The following ACVR1 variants were observed in gnomAD, a reference collection of about 807,000 sequenced individuals.
ACVR1 encodes the protein activin A receptor type 1.
In ACVR1, 38 loss-of-function variants were observed where a neutral mutation model predicts 57.1. The observed-to-expected ratio is 0.67, with a 90% confidence interval of 0.51 to 0.87. The LOEUF (loss-of-function observed/expected upper bound fraction) is 0.87. Among genes scored for constraint, ACVR1 ranks in the 40% least tolerant of loss-of-function variants. The probability of loss-of-function intolerance (pLI) is 0.00; values close to 1 mark genes in which losing one functional copy is unlikely to be tolerated. For missense variants in ACVR1, 463 were observed against 638.2 expected (o/e 0.73, Z 2.96); for synonymous variants, 212 against 228.1 (o/e 0.93, Z 0.63).
At chr2:157,863,701 A>G (rs559288834) in intron 1 of ACVR1, among the ~76,000 whole-genome samples, 1 of 151,822 alleles carries the variant, frequency 6.6e-6, no homozygotes, top group South Asian at 2.1e-4. Flanking sequence ...CATCTCAAGA[A>G]AAAAAATAAA....
At chr2:157,835,999 T>A (rs1688770647) in intron 1 of ACVR1, among the ~76,000 whole-genome samples, 1 of 152,148 alleles carries the variant, frequency 6.6e-6, no homozygotes, top group South Asian at 2.1e-4. Flanking sequence ...AATGTAAAAA[T>A]GAAAACCAAA....
At chr2:157,764,182 C>CTA (rs995167831) in intron 8 of ACVR1, among the ~76,000 whole-genome samples, 2 of 151,804 alleles carry the variant, frequency 1.3e-5, no homozygotes, top group Non-Finnish European at 2.9e-5. Flanking sequence ...TATGATCACA[C>CTA]TATATATATA....
At chr2:157,763,154 T>C (rs2105255863) in intron 8 of ACVR1, among the ~76,000 whole-genome samples, 1 of 152,328 alleles carries the variant, frequency 6.6e-6, no homozygotes, top group South Asian at 2.1e-4. Context: ...AAAATGAATA[T>C]AAAATGATAC....
In ACVR1 at chr2:157,855,143, C is replaced by T. The variant is rs548562207; in HGVS notation, c.-183+20653G>A. 3.0e-4 allele frequency among the ~76,000 whole-genome samples: 45 copies of T among 151,242 alleles called. 1 individual carries two copies. Among genetic ancestry groups the T allele is most frequent in the African/African-American group, 1.1e-3 (44 of 41,198 alleles). ...AAAATGCCAACGAACTGGCCAGGCA[C>T]AGTGGCTGACGCCTGTAATCTCAGC... On this transcript the variant is annotated intron_variant, in intron 1 of 10. Coordinates refer to ENST00000434821, the MANE Select transcript of ACVR1 (RefSeq NM_001111067.4).
intron 9 of ACVR1, among the ~76,000 whole-genome samples, chr2:157,741,355 C>T (rs982119925): frequency 1.3e-5 from 2 of 152,034 alleles, no homozygotes; most frequent in Non-Finnish European, 2.9e-5. Flanking sequence ...GATGAAAAAA[C>T]GGTGGCTCAC....
chr2:157,811,974 A>G (rs1687767555), intron 2 of ACVR1, among the ~76,000 whole-genome samples: 1 of 152,260 alleles, frequency 6.6e-6, no homozygotes, highest in South Asian at 2.1e-4. Context: ...GTGTTTGAGG[A>G]CTAGAATTTT....
At chr2:157,836,002 A>C (rs973341355) in intron 1 of ACVR1, among the ~76,000 whole-genome samples, 1 of 152,268 alleles carries the variant, frequency 6.6e-6, no homozygotes, top group Non-Finnish European at 1.5e-5. Flanking sequence ...GTAAAAATGA[A>C]AACCAAAGTG....
chr2:157,798,052 C>T (rs1316640947), intron 3 of ACVR1, among the ~76,000 whole-genome samples: 2 of 152,182 alleles, frequency 1.3e-5, no homozygotes, highest in Non-Finnish European at 2.9e-5. Context: ...AGTTTTTGAT[C>T]CACCCAGTTT....
chr2:157,777,799 T>C (rs1375125292), intron 5 of ACVR1, among the ~76,000 whole-genome samples: 2 of 152,188 alleles, frequency 1.3e-5, no homozygotes, highest in Non-Finnish European at 2.9e-5. Context: ...TGGCTAAAAA[T>C]AGAGTAACTG....
intron 9 of ACVR1, among the ~76,000 whole-genome samples, chr2:157,745,865 C>T (rs1411915086): frequency 5.9e-5 from 9 of 152,180 alleles, no homozygotes; most frequent in Non-Finnish European, 8.8e-5. Flanking sequence ...GAAGCACAAG[C>T]AGCTCCCTGG....
intron 9 of ACVR1, among the ~76,000 whole-genome samples, chr2:157,746,632 A>T (rs1684976158): frequency 6.6e-6 from 1 of 152,272 alleles, no homozygotes; most frequent in African/African-American, 2.4e-5. Context: ...CCTCGGCATC[A>T]CATTTTCTTA....
intron 1 of ACVR1, among the ~76,000 whole-genome samples, chr2:157,853,361 A>AAAGAG (rs1481757220): frequency 6.6e-6 from 1 of 152,142 alleles, no homozygotes; most frequent in Non-Finnish European, 1.5e-5. Flanking sequence ...CCTCATGTGG[A>AAAGAG]AAGAGATAGC....
At chr2:157,828,766 G>T (rs1574119963) in intron 1 of ACVR1, among the ~76,000 whole-genome samples, 1 of 125,028 alleles carries the variant, frequency 8.0e-6, no homozygotes, top group Non-Finnish European at 1.5e-5. Flanking sequence ...TTGTTTTTTT[G>T]TTTGTTTGTT....
At chr2:157,749,271 T>G (rs1685088452) in intron 9 of ACVR1, among the ~76,000 whole-genome samples, 1 of 152,212 alleles carries the variant, frequency 6.6e-6, no homozygotes, top group Non-Finnish European at 1.5e-5. Flanking sequence ...TTTGGGTACA[T>G]GAAAGGCAAG....
intron 3 of ACVR1, among the ~76,000 whole-genome samples, chr2:157,799,148 G>A (rs562651199): frequency 6.9e-4 from 105 of 151,914 alleles, no homozygotes; most frequent in African/African-American, 2.4e-3. Context: ...CACCTGCCTC[G>A]ACCTCCCAAA....
chr2:157,786,702 C>G (rs530740347), intron 3 of ACVR1, among the ~76,000 whole-genome samples: 27 of 152,158 alleles, frequency 1.8e-4, no homozygotes, highest in Non-Finnish European at 3.1e-4. Flanking sequence ...AATAGAACAG[C>G]TGGGCTCTGT....
At chr2:157,779,583 TTC>T (rs1686424851) in intron 4 of ACVR1, among the ~76,000 whole-genome samples, 2 of 152,216 alleles carry the variant, frequency 1.3e-5, no homozygotes, top group Admixed American at 1.3e-4. Flanking sequence ...TGTTTCTTTT[TTC>T]TGAGTGCAAA....
chr2:157,755,056 G>A (rs955788849), intron 9 of ACVR1, among the ~76,000 whole-genome samples: 2 of 152,066 alleles, frequency 1.3e-5, no homozygotes, highest in Non-Finnish European at 2.9e-5. Flanking sequence ...ATAAAATCCA[G>A]CATCCCTTTA....
chr2:157,799,599 C>T, intron 2 of ACVR1, 99 bp from the exon 3 acceptor site: 3 of 861,526 alleles, frequency 3.5e-6, no homozygotes, highest in Non-Finnish European at 5.9e-6. Context: ...CAAGGCCCTT[C>T]TTACTAATCA....
Sources: gnomAD v4.1 joint callset for allele counts (sites outside exome capture counted in the v4.1 genomes callset) on GRCh38, gnomAD v4.1.1 for gene constraint, MANE v1.5 for transcripts, NCBI Gene and HGNC (gene_info 2026-07-23, HGNC 2026-07-21) for gene names.